Variants in GRAMD1A observed in about 807,000 individuals in gnomAD.
The protein encoded by GRAMD1A is protein Aster-A.
Under a neutral mutation model 92.0 loss-of-function variants are expected in GRAMD1A, and 50 were observed. The ratio of observed to expected loss-of-function variants is 0.54; its 90% CI spans 0.43 to 0.69. GRAMD1A has a LOEUF of 0.69. GRAMD1A is among the 30% of genes least tolerant of loss of function. The probability of loss-of-function intolerance (pLI) is 0.00; values close to 1 mark genes in which losing one functional copy is unlikely to be tolerated. For synonymous variants in GRAMD1A, 405 were observed against 403.6 expected (o/e 1.00, Z -0.04); for missense variants, 819 against 978.9 (o/e 0.84, Z 2.18).
Position 35,020,933 on chromosome 19 carries a change from G to A in GRAMD1A, c.1476-569G>A, listed in dbSNP as rs549713338. Among the ~76,000 whole-genome samples the A allele has an allele frequency of 1.3e-3, 203 of 152,344 alleles. 1 individual carries two copies. Among genetic ancestry groups the A allele is most frequent in the Middle Eastern group, 3.4e-3 (1 of 294 alleles). ...AGGGTGAGGAAATGGAGGGGGAAGAGTTTAGATTCTGGAGAGATTTTGCAG... is the reference window on the plus strand; with the variant it reads ...AGGGTGAGGAAATGGAGGGGGAAGAATTTAGATTCTGGAGAGATTTTGCAG... On this transcript the variant is annotated intron_variant, in intron 13 of 19. Coordinates refer to ENST00000317991, the MANE Select transcript of GRAMD1A (RefSeq NM_020895.5).
rs1459457214 is a variant in GRAMD1A, at chr19:35,014,252, A to T, written c.934A>T (p.Thr312Ser). The part of the protein sequence containing the change: ...QPDASSSQTV[T>S]PVAEPPSTEP... ...AGACGCCTCCTCCAGCCAGACAGTG[A>T]CCCCGGTGGCTGAACCCCCGAGCAC... Residue 312 changes from threonine to serine, a missense_variant, in exon 10 of 20, where the codon ACC (threonine) becomes TCC (serine). By Grantham distance (58) the Thr-to-Ser change is moderately conservative (BLOSUM62 1). Coordinates refer to ENST00000317991, the MANE Select transcript of GRAMD1A (RefSeq NM_020895.5). The T allele has an allele frequency of 6.2e-7, 1 of 1,614,012 alleles. No individual in the cohort carries two copies. Among genetic ancestry groups the T allele is most frequent in the African/African-American group, 1.3e-5 (1 of 74,994 alleles).
At position 35,014,392 on chromosome 19, in the gene GRAMD1A, G is replaced by A. The variant is rs1254597038; in HGVS notation, c.1069+5G>A. The A allele has an allele frequency of 6.2e-7, 1 of 1,613,272 alleles. No individual in the cohort carries two copies. The highest frequency in any genetic ancestry group is 8.5e-7 in the Non-Finnish European group (1 of 1,179,248). ...CTTCATCCACTGGGGAGGAAGGTGAGGCAGGCGGGCCCAATTCATTCGCCT... is the reference window on the plus strand; with the variant it reads ...CTTCATCCACTGGGGAGGAAGGTGAAGCAGGCGGGCCCAATTCATTCGCCT... On this transcript the variant is annotated splice_donor_5th_base_variant and intron_variant, in intron 10 of 19. Coordinates refer to ENST00000317991, the MANE Select transcript of GRAMD1A (RefSeq NM_020895.5).
upstream of GRAMD1A, chr19:34,996,104 G>C: frequency 1.3e-6 from 2 of 1,535,914 alleles, no homozygotes; most frequent in Non-Finnish European, 1.7e-6. Context: ...CCTCCCAGCA[G>C]GGCAGCGGAA....
At chr19:35,023,008 A>T (rs765337075) in intron 17 of GRAMD1A, 97 bp downstream of exon 17, 16 of 852,880 alleles carry the variant, frequency 1.9e-5, no homozygotes, top group Admixed American at 2.5e-5. Context: ...TCCCCCAGGG[A>T]GGTGGCCTGG....
At chr19:34,996,307 T>C (rs1176887427), upstream of GRAMD1A, 12 of 1,493,860 alleles carry the variant, frequency 8.0e-6, no homozygotes, top group Admixed American at 1.9e-4. Context: ...ACCTGGGCAG[T>C]GGGACAGGAA....
intron 9 of GRAMD1A, 38 bp from the exon 10 acceptor site, chr19:35,014,151 T>C: frequency 6.3e-7 from 1 of 1,576,780 alleles, no homozygotes. Context: ...GGGGCTGGGA[T>C]GGAGGTGGCC....
chr19:35,016,354 T>C lies in GRAMD1A; in HGVS notation c.1213+387T>C, dbSNP rs533622005. ...GTTCACACCTGTAATCCCAGCACTT[T>C]GGGAGGCCGAGGTGGGCAGATCACT... On this transcript the variant is annotated intron_variant, in intron 11 of 19. Transcript: ENST00000317991. 1.3e-3 allele frequency among the ~76,000 whole-genome samples: 199 copies of C among 152,112 alleles called. 4 individuals carry two copies. Among genetic ancestry groups the C allele is most frequent in the Middle Eastern group, 3.4e-3 (1 of 294 alleles).
rs139691664 is a variant in GRAMD1A, at chr19:35,006,717, C to T, written c.9-2402C>T. ...CATTTAGCCTCTGGTGGTTATTGAG[C>T]ATTCACTATGTGCCTAGAGTTTTGG... is the stretch of plus-strand genomic sequence containing the variant. On this transcript the variant is annotated intron_variant, in intron 1 of 19. Transcript: ENST00000317991. Among the ~76,000 whole-genome samples, 268 of 152,320 alleles carry T rather than the reference C, an allele frequency of 1.8e-3. 1 individual carries two copies. The highest frequency in any genetic ancestry group is 5.8e-3 in the African/African-American group (241 of 41,566).
At chr19:35,025,943 T>C (rs2016401697) in intron 19 of GRAMD1A, 106 bp from the exon 20 acceptor site, 1 of 711,338 alleles carries the variant, frequency 1.4e-6, no homozygotes, top group Admixed American at 1.9e-5. Flanking sequence ...TGGGGCAGTA[T>C]GGCCTCTAGA....
chr19:35,019,056 G>C, intron 11 of GRAMD1A, 135 bp from the exon 12 acceptor site: 1 of 676,234 alleles, frequency 1.5e-6, no homozygotes, highest in Non-Finnish European at 2.7e-6. Flanking sequence ...GCTCCTGGAA[G>C]GAAGGTGGGG....
At chr19:35,004,293 A>T (rs1257659876) in intron 1 of GRAMD1A, among the ~76,000 whole-genome samples, 1 of 151,944 alleles carries the variant, frequency 6.6e-6, no homozygotes, top group African/African-American at 2.4e-5. Context: ...TCTAAAAAAA[A>T]TTTAAAAAGC....
At chr19:34,998,801 G>A (rs78101209), upstream of GRAMD1A, among the ~76,000 whole-genome samples, 2,517 of 149,642 alleles carry the variant, frequency 0.017, 73 homozygotes, top group African/African-American at 0.058. Context: ...GGTAGGGCAC[G>A]GCGATAGGGG....
Position 35,019,511 on chromosome 19 carries a change from G to T in GRAMD1A, c.1453G>T (p.Ala485Ser). 1 of 1,614,048 alleles carries T rather than the reference G, an allele frequency of 6.2e-7. No homozygotes were observed. The highest frequency in any genetic ancestry group is 8.5e-7 in the Non-Finnish European group (1 of 1,179,952). ...CCACCGCTACTGCATCCTGGGTCTG[G>T]CCCGGAACAAGGCGCGGCTCCGGTG... Reference protein sequence around the residue: ...TAHRYCILGLARNKARLRVSS... With the variant: ...TAHRYCILGLSRNKARLRVSS... The change falls in exon 13 of 20, where the codon GCC becomes TCC. Residue 485 changes from alanine (A) to serine (S), a missense_variant. Ala to Ser is a moderately conservative substitution (Grantham distance 99). Coordinates refer to ENST00000317991, the MANE Select transcript of GRAMD1A (RefSeq NM_020895.5).
chr19:35,021,788 G>T lies in GRAMD1A; in HGVS notation c.1677G>T (p.Leu559=), dbSNP rs767835894. The T allele has an allele frequency of 1.2e-6, 2 of 1,611,752 alleles. No homozygotes were observed. The highest frequency in any genetic ancestry group is 1.7e-6 in the Non-Finnish European group (2 of 1,179,230). The part of the protein sequence containing the change: ...LSGLRRRKRP[L]SWRAHGDGPQ... ...GCCTGCGGCGGCGGAAGCGGCCCCTGAGCTGGCGGGCTCACGGGGACGGGC... is the reference window on the plus strand; with the variant it reads ...GCCTGCGGCGGCGGAAGCGGCCCCTTAGCTGGCGGGCTCACGGGGACGGGC... Residue 559 remains leucine, a synonymous_variant, in exon 15 of 20, where the codon CTG becomes CTT. Coordinates refer to ENST00000317991, the MANE Select transcript of GRAMD1A (RefSeq NM_020895.5). This position sits in a 1 kb window ranked among gnomAD's most constrained non-coding sequence, Gnocchi z 5.3.
At position 35,021,751 on chromosome 19, in the gene GRAMD1A, G is replaced by A; in HGVS notation, c.1640G>A (p.Gly547Asp). 4 of 1,613,780 alleles carry A rather than the reference G, an allele frequency of 2.5e-6. No homozygotes were observed. The highest frequency in any genetic ancestry group is 3.4e-6 in the Non-Finnish European group (4 of 1,179,952). ...GAGGAAGGCGGGAAGGATGCCCGGG[G>A]CTTGCTATCCGGCCTGCGGCGGCGG... ...SLEEGGKDARGLLSGLRRRKR... is the reference protein window; with the variant it reads ...SLEEGGKDARDLLSGLRRRKR... Residue 547 changes from glycine to aspartate, a missense_variant, in exon 15 of 20, where the codon GGC becomes GAC. Around this residue, in one of 3 missense-constraint regions of GRAMD1A, gnomAD observed 577 missense variants for 674.6 expected, o/e 0.86. Transcript: ENST00000317991. The surrounding 1 kb of genome is among the most constrained non-coding windows in gnomAD (Gnocchi z 5.3).
At chr19:34,998,096 G>C (rs944376827), upstream of GRAMD1A, 1 of 149,452 alleles carries the variant, frequency 6.7e-6, no homozygotes, top group African/African-American at 2.5e-5. Flanking sequence ...AAAAAGCGCA[G>C]GAAGGAAACA....
intron 10 of GRAMD1A, chr19:35,014,714 A>G (rs538414945): frequency 2.6e-6 from 1 of 380,368 alleles, no homozygotes; most frequent in African/African-American, 2.1e-5. Flanking sequence ...TACCCACTTC[A>G]TAGGATTGTT....
At chr19:35,019,566 C>G (rs1348830800) in intron 13 of GRAMD1A, 33 bp downstream of exon 13, 1 of 1,606,360 alleles carries the variant, frequency 6.2e-7, no homozygotes, top group African/African-American at 1.3e-5. Flanking sequence ...CACCCGATGC[C>G]CTGGTGGCCC....
rs2015352950 is a variant in GRAMD1A, at chr19:35,013,066, G to T, written c.607-190G>T. 4 of 565,708 alleles carry T rather than the reference G, an allele frequency of 7.1e-6. No individual in the cohort carries two copies. Among genetic ancestry groups the T allele is most frequent in the Non-Finnish European group, 1.3e-5 (4 of 314,324 alleles). 35.0% of individuals were successfully genotyped at this position (565,708 alleles called of 1,614,324 possible). On this transcript the variant is annotated intron_variant, in intron 7 of 19. Coordinates refer to ENST00000317991, the MANE Select transcript of GRAMD1A (RefSeq NM_020895.5). This position sits in a 1 kb window ranked among gnomAD's most constrained non-coding sequence, Gnocchi z 4.9. The stretch of plus-strand genomic sequence containing the variant: ...TTGGGAAGCAGGAAGTTTGAGTCCT[G>T]GGCGCAGGCCCTGGAGGGGCTGTAG...
Sources: gnomAD v4.1 joint callset for allele counts (sites outside exome capture counted in the v4.1 genomes callset) on GRCh38, gnomAD v4.1.1 for gene constraint, gnomAD v4.1.1 regional missense constraint, Gnocchi (gnomAD v3.1) non-coding constraint, MANE v1.5 for transcripts, NCBI Gene and HGNC (gene_info 2026-07-23, HGNC 2026-07-21) for gene names.